The following TNRC18 variants were observed in gnomAD, a reference collection of about 807,000 sequenced individuals.
TNRC18 encodes trinucleotide repeat containing 18.
In TNRC18, 69 loss-of-function variants were observed where a neutral mutation model predicts 226.7. That is an observed-to-expected ratio of 0.30 (90% CI 0.25 to 0.37). The LOEUF is 0.37. TNRC18 is among the 10% of genes least tolerant of loss of function. TNRC18 has a pLI of 1.00. For missense variants in TNRC18, 4,754 were observed against 4,256.6 expected, an observed-to-expected ratio of 1.12 and a Z score of -3.25; for synonymous variants, 2,449 against 1,927.6, an observed-to-expected ratio of 1.27 and a Z score of -7.09.
In TNRC18 at chr7:5,361,933, C is replaced by T. The variant is rs185729138; in HGVS notation, c.4496G>A (p.Arg1499His). 437 of 1,604,126 alleles carry T rather than the reference C, an allele frequency of 2.7e-4. No homozygotes were observed. The African/African-American group carries it at 4.3e-3, about 16-fold the overall frequency. Residue 1499 changes from arginine (R) to histidine (H), a missense_variant, in exon 13 of 30, where the codon CGT becomes CAT. Transcript: ENST00000430969. ...EVQRQYKEKQ[R>H]ELVKLQRRRD... is the part of the protein sequence containing the mutation. ...GCGGCGCTGCAGCTTCACCAGCTCACGCTGCTTCTCCTTGTACTGGCGCTG... is the reference window on the plus strand; with the variant it reads ...GCGGCGCTGCAGCTTCACCAGCTCATGCTGCTTCTCCTTGTACTGGCGCTG...
At chr7:5,396,032 G>A (rs977763699) in intron 2 of TNRC18, among the ~76,000 whole-genome samples, 1 of 149,800 alleles carries the variant, frequency 6.7e-6, no homozygotes, top group Non-Finnish European at 1.5e-5. Flanking sequence ...TTAGCTGGGC[G>A]TGGTGGCGGG....
rs958639198 is a variant in TNRC18, at chr7:5,376,983, G to C, written c.2472C>G (p.Pro824=). 2 of 1,581,622 alleles carry C rather than the reference G, an allele frequency of 1.3e-6. No homozygotes were observed. Among genetic ancestry groups the C allele is most frequent in the African/African-American group, 1.3e-5 (1 of 74,352 alleles). The change falls in exon 8 of 30, where the codon CCC becomes CCG. Residue 824 remains proline (P), a synonymous_variant. Transcript: ENST00000430969. ...GGGCCATGCCCTGGTGCAGAGATGG[G>C]GGACCCAAGCCTAGGAGGAGAAGCC... ...WLAGHPYGLG[P]PSLHQGMAPA...
chr7:5,332,254 T>C (rs184236650), intron 19 of TNRC18, among the ~76,000 whole-genome samples: 2 of 152,170 alleles, frequency 1.3e-5, no homozygotes, highest in East Asian at 1.9e-4. Flanking sequence ...CTGGGCAACA[T>C]AGCGAGATCC....
chr7:5,345,877 C>T (rs1325766100), intron 17 of TNRC18, 67 bp from the exon 18 acceptor site: 2 of 1,487,958 alleles, frequency 1.3e-6, no homozygotes, highest in East Asian at 5.0e-5. Flanking sequence ...CCCACCGCCC[C>T]CTGGCCCAGA....
At chr7:5,386,504 G>A (rs1333886223) in intron 5 of TNRC18, among the ~76,000 whole-genome samples, 3 of 151,702 alleles carry the variant, frequency 2.0e-5, no homozygotes, top group Non-Finnish European at 4.4e-5. Context: ...AACCCAGGAG[G>A]CAGAGGTCGC....
intron 5 of TNRC18, among the ~76,000 whole-genome samples, chr7:5,384,037 T>A (rs372357581): frequency 1.4e-5 from 2 of 139,808 alleles, no homozygotes; most frequent in Admixed American, 1.6e-4. Context: ...CGATCTCAGC[T>A]CACTGCAACC....
intron 24 of TNRC18, among the ~76,000 whole-genome samples, chr7:5,317,397 C>T (rs1787955998): frequency 6.6e-6 from 1 of 152,214 alleles, no homozygotes; most frequent in African/African-American, 2.4e-5. Flanking sequence ...CGAGGCCAGT[C>T]AGGCCAACAT....
chr7:5,395,353 G>T (rs573791567), intron 2 of TNRC18, among the ~76,000 whole-genome samples: 23 of 152,306 alleles, frequency 1.5e-4, no homozygotes, highest in African/African-American at 5.1e-4. Flanking sequence ...CGGGGTCACT[G>T]CCAATAGGGG....
intron 2 of TNRC18, among the ~76,000 whole-genome samples, chr7:5,413,811 G>A (rs1781989278): frequency 6.6e-6 from 1 of 152,220 alleles, no homozygotes; most frequent in African/African-American, 2.4e-5. Flanking sequence ...GGGATTACAG[G>A]CATGAGCCAC....
chr7:5,344,842 G>C (rs997821142), intron 18 of TNRC18, among the ~76,000 whole-genome samples: 1 of 152,206 alleles, frequency 6.6e-6, no homozygotes, highest in East Asian at 1.9e-4. Context: ...GAGGGCCCAC[G>C]AGAGGGTCCC....
rs1269762419 is a variant in TNRC18 at position 5,377,485 on chromosome 7, G to C, written c.2347C>G (p.Pro783Ala). 1.3e-6 allele frequency: 2 copies of C among 1,582,598 alleles called. No homozygotes were observed. The highest frequency in any genetic ancestry group is 2.3e-5 in the East Asian group (1 of 43,138). Reference protein sequence around the residue: ...LNPNLMVTGGPALAGSGRWSA... With the variant: ...LNPNLMVTGGAALAGSGRWSA... ...CAGCGACCTGAGCCCGCCAGCGCCG[G>C]GCCCCCCGTCACCATGAGGTTGGGG... is the stretch of plus-strand genomic sequence containing the variant. Residue 783 changes from proline (P) to alanine (A), a missense_variant, in exon 7 of 30, where the codon CCG (proline) becomes GCG (alanine). Pro to Ala is a conservative substitution (Grantham distance 27). Coordinates refer to ENST00000430969, the MANE Select transcript of TNRC18 (RefSeq NM_001080495.3). The surrounding 1 kb of genome is among the most constrained non-coding windows in gnomAD (Gnocchi z 5.8).
At chr7:5,361,355 G>A (rs1284058276) in intron 14 of TNRC18, among the ~76,000 whole-genome samples, 2 of 152,218 alleles carry the variant, frequency 1.3e-5, no homozygotes, top group Non-Finnish European at 1.5e-5. Context: ...CAGGTGAAGC[G>A]CTGGGTTAGG....
chr7:5,386,682 C>G (rs1289784210), intron 5 of TNRC18, among the ~76,000 whole-genome samples: 1 of 151,546 alleles, frequency 6.6e-6, no homozygotes, highest in Admixed American at 6.6e-5. Context: ...CCCAGGAGGT[C>G]AAGGCTACGG....
intron 23 of TNRC18, 32 bp downstream of exon 23, chr7:5,320,500 A>G: frequency 7.0e-7 from 1 of 1,433,646 alleles, no homozygotes; most frequent in African/African-American, 1.4e-5. Context: ...GCCCACCCCG[A>G]GCCTCCCGAG....
chr7:5,349,432 T>C (rs1448440628), intron 17 of TNRC18, among the ~76,000 whole-genome samples: 18 of 152,150 alleles, frequency 1.2e-4, no homozygotes, highest in Admixed American at 1.2e-3. Context: ...ATTATTATTA[T>C]TTAAAGAAAA....
At chr7:5,372,584 G>A (rs1002202759) in intron 10 of TNRC18, among the ~76,000 whole-genome samples, 5 of 151,722 alleles carry the variant, frequency 3.3e-5, no homozygotes, top group South Asian at 2.1e-4. Context: ...TCATGGTGGC[G>A]CACCCCTGTA....
chr7:5,351,119 C>T (rs1404118552), intron 17 of TNRC18, among the ~76,000 whole-genome samples: 4 of 152,008 alleles, frequency 2.6e-5, no homozygotes, highest in Admixed American at 2.6e-4. Context: ...ATGCCAATCG[C>T]TACCAGGGAT....
chr7:5,372,403 A>G (rs1794247261), intron 10 of TNRC18, among the ~76,000 whole-genome samples: 1 of 151,178 alleles, frequency 6.6e-6, no homozygotes. Flanking sequence ...TTATATTTTT[A>G]GTAGAGACGG....
intron 2 of TNRC18, among the ~76,000 whole-genome samples, chr7:5,409,916 G>A (rs183563606): frequency 6.8e-4 from 98 of 143,742 alleles, no homozygotes; most frequent in Non-Finnish European, 1.2e-3. Flanking sequence ...ACATGAACCC[G>A]GGAGGTGGAG....
Sources: gnomAD v4.1 joint callset for allele counts (sites outside exome capture counted in the v4.1 genomes callset) on GRCh38, gnomAD v4.1.1 for gene constraint, Gnocchi (gnomAD v3.1) non-coding constraint, MANE v1.5 for transcripts, NCBI Gene and HGNC (gene_info 2026-07-23, HGNC 2026-07-21) for gene names.